ACKR3: variants seen among roughly 807,000 people sequenced by gnomAD.
ACKR3 encodes the protein C-X-C chemokine receptor type 7.
ACKR3 carries 6 observed loss-of-function variants against 22.4 expected under a neutral mutation model. The ratio of observed to expected loss-of-function variants is 0.27; its 90% confidence interval spans 0.15 to 0.53. The LOEUF (loss-of-function observed/expected upper bound fraction) is 0.53, where lower values mean the gene tolerates loss of function less well. Among genes scored for constraint, ACKR3 ranks in the 20% least tolerant of loss-of-function variants. ACKR3 has a pLI of 0.96. For missense variants in ACKR3, 396 were observed against 475.2 expected, an observed-to-expected ratio of 0.83 and a Z score of 1.55; for synonymous variants, 209 against 205.2, an observed-to-expected ratio of 1.02 and a Z score of -0.16.
chr2:236,560,751 A>T, the ACKR3 span, among the ~76,000 whole-genome samples: 1 of 152,130 alleles, frequency 6.6e-6, no homozygotes, highest in Non-Finnish European at 1.5e-5. Flanking sequence ...AATCAATGTC[A>T]TGAAGCTTCT....
chr2:236,570,451 C>G (rs765869306), intron 1 of ACKR3, among the ~76,000 whole-genome samples: 1 of 152,118 alleles, frequency 6.6e-6, no homozygotes, highest in Non-Finnish European at 1.5e-5. Context: ...TTTGTGAGTC[C>G]AAGATGTATT....
At chr2:236,550,564 C>A in the ACKR3 span, among the ~76,000 whole-genome samples, 1 of 152,104 alleles carries the variant, frequency 6.6e-6, no homozygotes, top group African/African-American at 2.4e-5. This position sits in a 1 kb window ranked among gnomAD's most constrained non-coding sequence, Gnocchi z 4.6. Flanking sequence ...GTGAGCAGGC[C>A]TGAGACTTAG....
At chr2:236,565,691 T>C (rs1468550715), upstream of ACKR3, among the ~76,000 whole-genome samples, 7 of 152,220 alleles carry the variant, frequency 4.6e-5, no homozygotes, top group Non-Finnish European at 7.3e-5. Flanking sequence ...GTGGATTAAA[T>C]TCTTGGACTC....
the ACKR3 span, among the ~76,000 whole-genome samples, chr2:236,543,908 C>T: frequency 7.7e-6 from 1 of 130,080 alleles, no homozygotes; most frequent in Non-Finnish European, 1.6e-5. Context: ...ATAGTGGTTA[C>T]AGATATGTGC....
chr2:236,568,441 G>A (rs1691235088), upstream of ACKR3, among the ~76,000 whole-genome samples: 1 of 152,252 alleles, frequency 6.6e-6, no homozygotes, highest in Non-Finnish European at 1.5e-5. Context: ...GCCGCTGGCA[G>A]TTTTCCTTTC....
intron 1 of ACKR3, among the ~76,000 whole-genome samples, chr2:236,576,963 T>A (rs78608629): frequency 6.6e-6 from 1 of 152,226 alleles, no homozygotes; most frequent in African/African-American, 2.4e-5. Context: ...CCCTTTTCAC[T>A]GTACTTTCCT....
chr2:236,548,796 G>A, the ACKR3 span, among the ~76,000 whole-genome samples: 1 of 152,178 alleles, frequency 6.6e-6, no homozygotes, highest in African/African-American at 2.4e-5. The surrounding 1 kb of genome is among the most constrained non-coding windows in gnomAD (Gnocchi z 4.3). Flanking sequence ...CATAAGCACA[G>A]TTCAGTATTT....
chr2:236,545,895 G>A, the ACKR3 span, among the ~76,000 whole-genome samples: 18 of 152,266 alleles, frequency 1.2e-4, no homozygotes, highest in East Asian at 3.9e-4. This position sits in a 1 kb window ranked among gnomAD's most constrained non-coding sequence, Gnocchi z 5.3. Context: ...AACATACGGC[G>A]TAATGAGAAT....
At chr2:236,539,306 C>CTTTTTTTTTT in the ACKR3 span, among the ~76,000 whole-genome samples, 77 of 120,732 alleles carry the variant, frequency 6.4e-4, 1 homozygote, top group African/African-American at 1.6e-3. Context: ...TTTTTCTTTT[C>CTTTTTTTTTT]TTTTTTTTTT....
At chr2:236,550,456 C>T in the ACKR3 span, among the ~76,000 whole-genome samples, 1 of 152,230 alleles carries the variant, frequency 6.6e-6, no homozygotes, top group Non-Finnish European at 1.5e-5. This position sits in a 1 kb window ranked among gnomAD's most constrained non-coding sequence, Gnocchi z 4.6. Flanking sequence ...CAGTAAAATA[C>T]ATGCTGATTG....
the ACKR3 span, among the ~76,000 whole-genome samples, chr2:236,539,792 C>T: frequency 6.6e-6 from 1 of 152,250 alleles, no homozygotes; most frequent in African/African-American, 2.4e-5. Context: ...TTAACTGACT[C>T]ACAGTTCTAC....
chr2:236,557,941 C>T, the ACKR3 span, among the ~76,000 whole-genome samples: 1 of 152,154 alleles, frequency 6.6e-6, no homozygotes, highest in Non-Finnish European at 1.5e-5. Flanking sequence ...AAATAATCAA[C>T]CTGTTATGTT....
the ACKR3 span, among the ~76,000 whole-genome samples, chr2:236,555,809 T>A: frequency 7.1e-6 from 1 of 141,540 alleles, no homozygotes; most frequent in East Asian, 2.0e-4. Flanking sequence ...CATGGCCTTT[T>A]TACCTTAAAG....
intron 1 of ACKR3, among the ~76,000 whole-genome samples, chr2:236,576,269 C>T (rs1691410535): frequency 6.6e-6 from 1 of 152,224 alleles, no homozygotes; most frequent in African/African-American, 2.4e-5. Context: ...ACAGACCCCG[C>T]ACAGGCTGAG....
chr2:236,576,498 A>G (rs929576243), intron 1 of ACKR3, among the ~76,000 whole-genome samples: 6 of 152,220 alleles, frequency 3.9e-5, no homozygotes, highest in Non-Finnish European at 7.3e-5. Flanking sequence ...TTTGAGAACC[A>G]GGGGCCCTGG....
chr2:236,581,346 T>A lies in ACKR3; in HGVS notation c.881T>A (p.Phe294Tyr). 6.2e-7 allele frequency: 1 copy of A among 1,614,048 alleles called. No homozygotes were observed. The highest frequency in any genetic ancestry group is 8.5e-7 in the Non-Finnish European group (1 of 1,180,020). ...PFTCRLEHAL[F>Y]TALHVTQCLS... is the part of the protein sequence containing the mutation. ...ACCTGCCGGCTGGAGCACGCCCTCT[T>A]CACGGCCCTGCATGTCACACAGTGC... Residue 294 changes from phenylalanine to tyrosine, a missense_variant, in exon 2 of 2, where the codon TTC (phenylalanine) becomes TAC (tyrosine). Coordinates refer to ENST00000272928, the MANE Select transcript of ACKR3 (RefSeq NM_020311.3). The surrounding 1 kb of genome is among the most constrained non-coding windows in gnomAD (Gnocchi z 4.4).
intron 1 of ACKR3, among the ~76,000 whole-genome samples, chr2:236,572,523 T>C (rs1051775256): frequency 6.6e-6 from 1 of 152,334 alleles, no homozygotes; most frequent in East Asian, 1.9e-4. Flanking sequence ...CTCAGTTGTA[T>C]ATGCAGAGCC....
At chr2:236,542,288 GC>G in the ACKR3 span, among the ~76,000 whole-genome samples, 1 of 152,196 alleles carries the variant, frequency 6.6e-6, no homozygotes, top group African/African-American at 2.4e-5. Context: ...ATTGGCAAGA[GC>G]TAAAAATTAA....
chr2:236,565,153 T>C (rs763618826), upstream of ACKR3, among the ~76,000 whole-genome samples: 13 of 152,040 alleles, frequency 8.6e-5, no homozygotes, highest in African/African-American at 1.2e-4. Flanking sequence ...CCATTCTAGA[T>C]ACCTGCAAGA....
Sources: allele counts gnomAD v4.1 joint callset (sites outside exome capture counted in the v4.1 genomes callset), GRCh38; gene constraint gnomAD v4.1.1; non-coding constraint Gnocchi (gnomAD v3.1); transcripts MANE v1.5; gene names NCBI Gene and HGNC (gene_info 2026-07-23, HGNC 2026-07-21).